The following FLI1 variants were observed in gnomAD, a reference collection of about 807,000 sequenced individuals.
The protein encoded by FLI1 is Friend leukemia integration 1 transcription factor.
FLI1 carries 13 observed loss-of-function variants against 53.1 expected under a neutral mutation model. That is an observed-to-expected ratio of 0.24 (90% CI 0.16 to 0.39). FLI1 has a LOEUF of 0.39. FLI1 is among the 10% of genes least tolerant of loss of function. The probability of loss-of-function intolerance (pLI) is 1.00; values close to 1 mark genes in which losing one functional copy is unlikely to be tolerated. For synonymous variants in FLI1, 244 were observed against 236.7 expected (o/e 1.03, Z -0.28); for missense variants, 424 against 600.5 (o/e 0.71, Z 3.07).
At chr11:128,753,263 A>G (rs1565482656) in intron 1 of FLI1, among the ~76,000 whole-genome samples, 1 of 152,234 alleles carries the variant, frequency 6.6e-6, no homozygotes, top group Non-Finnish European at 1.5e-5. Context: ...GGAACCCCAG[A>G]GCTGAGCCCC....
chr11:128,725,690 G>A (rs962270850), intron 1 of FLI1, among the ~76,000 whole-genome samples: 4 of 152,016 alleles, frequency 2.6e-5, no homozygotes, highest in Non-Finnish European at 4.4e-5. Flanking sequence ...GTGTGTGTGT[G>A]TGTGTCTGAG....
chr11:128,734,305 A>T (rs1939825945), intron 1 of FLI1, among the ~76,000 whole-genome samples: 1 of 152,230 alleles, frequency 6.6e-6, no homozygotes, highest in Non-Finnish European at 1.5e-5. Flanking sequence ...AACGTGCCTC[A>T]TCTGATCTTG....
At chr11:128,730,437 A>G (rs1939649183) in intron 1 of FLI1, among the ~76,000 whole-genome samples, 1 of 152,238 alleles carries the variant, frequency 6.6e-6, no homozygotes, top group Admixed American at 6.5e-5. Flanking sequence ...AATCGGTGCT[A>G]CTAAAGTCAG....
intron 1 of FLI1, among the ~76,000 whole-genome samples, chr11:128,702,039 C>T (rs528647430): frequency 6.6e-6 from 1 of 152,314 alleles, no homozygotes; most frequent in South Asian, 2.1e-4. Flanking sequence ...AATTACTCTG[C>T]TCATGAGTTG....
chr11:128,710,317 A>G (rs2135717179), intron 1 of FLI1, among the ~76,000 whole-genome samples: 1 of 152,302 alleles, frequency 6.6e-6, no homozygotes, highest in Admixed American at 6.5e-5. Context: ...TTAGTATTAA[A>G]ATGATGAACT....
At chr11:128,728,334 G>A (rs1233430742) in intron 1 of FLI1, among the ~76,000 whole-genome samples, 3 of 152,342 alleles carry the variant, frequency 2.0e-5, no homozygotes, top group Admixed American at 1.3e-4. Flanking sequence ...ACCATGGGAC[G>A]CCAGAGCCAA....
In FLI1 at chr11:128,703,828, G is replaced by C. The variant is rs1938437286; in HGVS notation, c.18+9552G>C. On this transcript the variant is annotated intron_variant, in intron 1 of 8. Transcript: ENST00000527786. ...ACTACACTCCAGCCTGGGTGACAGAGCGAGACTCCGTCTCAAAAAAAAAAA... is the reference window on the plus strand; with the variant it reads ...ACTACACTCCAGCCTGGGTGACAGACCGAGACTCCGTCTCAAAAAAAAAAA... Among the ~76,000 whole-genome samples, 7 of 122,006 alleles carry C rather than the reference G, an allele frequency of 5.7e-5. No individual in the cohort carries two copies. In the Admixed American group the frequency reaches 6.2e-4, roughly 11 times the overall value. 80.0% of individuals were successfully genotyped at this position (122,006 alleles called of 152,430 possible).
chr11:128,688,456 C>T (rs904551756), intron 1 of FLI1, among the ~76,000 whole-genome samples: 1 of 152,360 alleles, frequency 6.6e-6, no homozygotes. Flanking sequence ...GTTCCACCGG[C>T]TCCCTCCATC....
chr11:128,752,115 A>G (rs1182228399), intron 1 of FLI1, among the ~76,000 whole-genome samples: 3 of 152,026 alleles, frequency 2.0e-5, no homozygotes, highest in Non-Finnish European at 4.4e-5. Flanking sequence ...AGCTGGGATT[A>G]TAGGCACCCA....
rs186349253 is a variant in FLI1 at position 128,734,868 on chromosome 11, G to T, written c.19-23247G>T. ...AATCGCCTACCATCTAACCAAAGGGGCAAGATCAAAAGGGAAAGAAAAATA... is the reference window on the plus strand; with the variant it reads ...AATCGCCTACCATCTAACCAAAGGGTCAAGATCAAAAGGGAAAGAAAAATA... On this transcript the variant is annotated intron_variant, in intron 1 of 8. Coordinates refer to ENST00000527786, the MANE Select transcript of FLI1 (RefSeq NM_002017.5). 3.3e-5 allele frequency among the ~76,000 whole-genome samples: 5 copies of T among 152,300 alleles called. No homozygotes were observed. In the East Asian group the frequency reaches 9.6e-4, roughly 29 times the overall value.
chr11:128,754,093 A>C (rs973266964), intron 1 of FLI1, among the ~76,000 whole-genome samples: 1 of 152,070 alleles, frequency 6.6e-6, no homozygotes, highest in African/African-American at 2.4e-5. Flanking sequence ...TGGCTTTTCA[A>C]ATTCAGCCCA....
At position 128,694,125 on chromosome 11, in the gene FLI1, C is replaced by A; in HGVS notation, c.-134C>A. The stretch of plus-strand genomic sequence containing the variant: ...TGCACAGGGGAGTGAGGGCAGGGCG[C>A]TCGCAGGGGGCACGCAGGGAGGGCC... On this transcript the variant is annotated 5_prime_UTR_variant, in exon 1 of 9. Transcript: ENST00000527786. The A allele has an allele frequency of 1.1e-6, 1 of 887,950 alleles. No individual in the cohort carries two copies. Among genetic ancestry groups the A allele is most frequent in the Non-Finnish European group, 1.6e-6 (1 of 615,598 alleles). The allele number at this position is 887,950 out of a possible 1,614,324, so 55.0% of individuals were successfully genotyped here.
At chr11:128,785,168 C>G (rs1387557824) in intron 5 of FLI1, among the ~76,000 whole-genome samples, 1 of 151,966 alleles carries the variant, frequency 6.6e-6, no homozygotes, top group African/African-American at 2.4e-5. Flanking sequence ...GGATTGGATC[C>G]AGCTAGAGCA....
chr11:128,734,375 C>T (rs1939831083), intron 1 of FLI1, among the ~76,000 whole-genome samples: 1 of 152,176 alleles, frequency 6.6e-6, no homozygotes, highest in South Asian at 2.1e-4. Flanking sequence ...CGTGCGTGTG[C>T]AGAGACCAAG....
intron 5 of FLI1, among the ~76,000 whole-genome samples, chr11:128,798,532 T>C (rs1942512636): frequency 6.6e-6 from 1 of 152,182 alleles, no homozygotes; most frequent in Non-Finnish European, 1.5e-5. Flanking sequence ...GCCCATCTAA[T>C]ATCTTCAACA....
intron 2 of FLI1, among the ~76,000 whole-genome samples, chr11:128,767,225 G>T (rs76590146): frequency 1.3e-5 from 2 of 152,208 alleles, no homozygotes; most frequent in Non-Finnish European, 2.9e-5. Context: ...TGGATGATCT[G>T]CTTTCTCTCT....
At chr11:128,767,114 C>A (rs1289129375) in intron 2 of FLI1, among the ~76,000 whole-genome samples, 2 of 152,226 alleles carry the variant, frequency 1.3e-5, no homozygotes, top group East Asian at 3.9e-4. Context: ...CTTCAGGGCG[C>A]CAGGTGGCCA....
chr11:128,788,031 C>T (rs943754434), intron 5 of FLI1, among the ~76,000 whole-genome samples: 4 of 150,944 alleles, frequency 2.6e-5, no homozygotes, highest in South Asian at 2.1e-4. Flanking sequence ...AGGATGGTCT[C>T]GACCTCCTGA....
intron 1 of FLI1, among the ~76,000 whole-genome samples, chr11:128,712,729 C>T (rs1938836969): frequency 6.6e-6 from 1 of 152,178 alleles, no homozygotes; most frequent in Admixed American, 6.5e-5. Context: ...CAATCATCTC[C>T]CACCAGGTCC....
Sources: gnomAD v4.1 joint callset for allele counts (sites outside exome capture counted in the v4.1 genomes callset) on GRCh38, gnomAD v4.1.1 for gene constraint, MANE v1.5 for transcripts, NCBI Gene and HGNC (gene_info 2026-07-23, HGNC 2026-07-21) for gene names.